HORMAD1: variants seen among roughly 807,000 people sequenced by gnomAD.
HORMAD1 encodes the protein HORMA domain containing 1, also known as HORMA domain-containing protein 1.
Under a neutral mutation model 58.2 loss-of-function variants are expected in HORMAD1, and 33 were observed. The ratio of observed to expected loss-of-function variants is 0.57; its 90% CI spans 0.43 to 0.76. HORMAD1 has a LOEUF of 0.76. Among genes scored for constraint, HORMAD1 ranks in the 30% least tolerant of loss-of-function variants. HORMAD1 has a pLI of 0.00. For missense variants in HORMAD1, 363 were observed against 462.0 expected, an observed-to-expected ratio of 0.79 and a Z score of 1.96; for synonymous variants, 137 against 144.6, an observed-to-expected ratio of 0.95 and a Z score of 0.38.
chr1:150,708,764 C>G, intron 8 of HORMAD1, 130 bp downstream of exon 8: 1 of 577,688 alleles, frequency 1.7e-6, no homozygotes, highest in Non-Finnish European at 3.1e-6. Flanking sequence ...CTCCATTTTG[C>G]ATAGCCACAT....
At chr1:150,718,736 T>C (rs1652164868) in intron 2 of HORMAD1, among the ~76,000 whole-genome samples, 1 of 152,182 alleles carries the variant, frequency 6.6e-6, no homozygotes, top group African/African-American at 2.4e-5. Flanking sequence ...GCGATTCTCC[T>C]GCCTCAGCCA....
chr1:150,714,546 A>T, intron 4 of HORMAD1, 69 bp downstream of exon 4: 1 of 768,664 alleles, frequency 1.3e-6, no homozygotes, highest in Non-Finnish European at 2.0e-6. Flanking sequence ...CACCAAAGGT[A>T]TCCAAGGTAC....
At position 150,719,352 on chromosome 1, in the gene HORMAD1, G is replaced by GT. The variant is rs1019982775; in HGVS notation, c.33+120dup. On this transcript the variant is annotated intron_variant, in intron 2 of 14. Coordinates refer to ENST00000361824, the MANE Select transcript of HORMAD1 (RefSeq NM_032132.5). ...ATATCTTCATTTCTTAAAACATGCAGTTTCCTGGTATCATAAAACCCTCAA... is the reference window on the plus strand; with the variant it reads ...ATATCTTCATTTCTTAAAACATGCAGTTTTCCTGGTATCATAAAACCCTCAA... 5.6e-5 allele frequency: 37 copies of GT among 659,908 alleles called. No homozygotes were observed. In the African/African-American group the frequency reaches 6.5e-4, roughly 12 times the overall value. The allele number at this position is 659,908 out of a possible 1,614,324, so 40.9% of individuals were successfully genotyped here. A position where few individuals can be genotyped will look rare whatever the true frequency, so the allele number is the denominator to read the frequency against.
intron 3 of HORMAD1, among the ~76,000 whole-genome samples, chr1:150,715,226 A>G (rs6587519): frequency 0.99 from 150,251 of 152,304 alleles, 74,147 homozygotes; most frequent in East Asian, 1. Flanking sequence ...AAAATATTTC[A>G]TAAAAAACTT....
chr1:150,700,203 T>C lies in HORMAD1; in HGVS notation c.1033-20A>G. The C allele has an allele frequency of 7.4e-7, 1 of 1,346,994 alleles. No individual in the cohort carries two copies. Among genetic ancestry groups the C allele is most frequent in the Non-Finnish European group, 1.1e-6 (1 of 937,692 alleles). The allele number at this position is 1,346,994 out of a possible 1,614,324, so 83.4% of individuals were successfully genotyped here. A position where few individuals can be genotyped will look rare whatever the true frequency, so the allele number is the denominator to read the frequency against. ...ATTTGCCTCCACAAAGATAGAATAA[T>C]TACTAATTGGTTATTTCTCAAAGAA... is the stretch of plus-strand genomic sequence containing the variant. On this transcript the variant is annotated intron_variant, in intron 13 of 14. Transcript: ENST00000361824.
chr1:150,711,943 C>T, intron 5 of HORMAD1, 90 bp from the exon 6 acceptor site: 1 of 854,782 alleles, frequency 1.2e-6, no homozygotes, highest in South Asian at 1.5e-5. Flanking sequence ...CCTATTTCAA[C>T]ATGTATTCCT....
Position 150,714,947 on chromosome 1 carries a change from C to T in HORMAD1, c.179-269G>A, listed in dbSNP as rs1170667398. Among the ~76,000 whole-genome samples the T allele has an allele frequency of 4.6e-5, 7 of 151,970 alleles. No individual in the cohort carries two copies. In the East Asian group the frequency reaches 1.2e-3, roughly 25 times the overall value. On this transcript the variant is annotated intron_variant, in intron 3 of 14. Coordinates refer to ENST00000361824, the MANE Select transcript of HORMAD1 (RefSeq NM_032132.5). ...ACTTCAGGTGCGCCACCATGACCGGCTAATTTTTGTATTTTTTGGTAGAGA... is the reference window on the plus strand; with the variant it reads ...ACTTCAGGTGCGCCACCATGACCGGTTAATTTTTGTATTTTTTGGTAGAGA...
intron 7 of HORMAD1, among the ~76,000 whole-genome samples, chr1:150,710,463 A>G (rs1340905827): frequency 2.6e-5 from 4 of 152,268 alleles, no homozygotes; most frequent in Non-Finnish European, 5.9e-5. Context: ...AAAGTACCTG[A>G]CATATAGTAA....
At chr1:150,708,685 C>A (rs1399123184) in intron 8 of HORMAD1, among the ~76,000 whole-genome samples, 4 of 152,134 alleles carry the variant, frequency 2.6e-5, no homozygotes, top group Non-Finnish European at 5.9e-5. Flanking sequence ...CACCTAAGTT[C>A]TCTTTCCACA....
At chr1:150,711,482 T>C (rs973535377) in intron 7 of HORMAD1, 63 bp downstream of exon 7, 32 of 1,042,412 alleles carry the variant, frequency 3.1e-5, no homozygotes, top group Non-Finnish European at 4.6e-5. Flanking sequence ...TCTTATATTA[T>C]GTTTCGTGTT....
chr1:150,712,890 A>G (rs1651944990), intron 5 of HORMAD1, among the ~76,000 whole-genome samples: 1 of 152,188 alleles, frequency 6.6e-6, no homozygotes, highest in Non-Finnish European at 1.5e-5. Context: ...ATTTCTATGT[A>G]TAAGCTTTGA....
At chr1:150,715,238 T>G (rs980301128) in intron 3 of HORMAD1, among the ~76,000 whole-genome samples, 1 of 152,144 alleles carries the variant, frequency 6.6e-6, no homozygotes, top group African/African-American at 2.4e-5. Context: ...AAAAAACTTA[T>G]AGAATCCATG....
At position 150,704,212 on chromosome 1, in the gene HORMAD1, A is replaced by G; in HGVS notation, c.872-18T>C. 1 of 1,575,478 alleles carries G rather than the reference A, an allele frequency of 6.3e-7. No individual in the cohort carries two copies. The highest frequency in any genetic ancestry group is 8.6e-7 in the Non-Finnish European group (1 of 1,161,586). On this transcript the variant is annotated intron_variant, in intron 11 of 14. Transcript: ENST00000361824. ...ACTTGGTTCTGTAAAAAAAAAAAAA[A>G]AAAGTTACCCGGGTATAAAATTGAG...
intron 2 of HORMAD1, among the ~76,000 whole-genome samples, chr1:150,718,551 GTA>G (rs978565788): frequency 6.6e-6 from 1 of 151,994 alleles, no homozygotes; most frequent in African/African-American, 2.4e-5. Flanking sequence ...CACTGAGTAG[GTA>G]TAACAGAGGT....
At chr1:150,710,169 C>T (rs587759747) in intron 7 of HORMAD1, among the ~76,000 whole-genome samples, 3 of 152,204 alleles carry the variant, frequency 2.0e-5, no homozygotes, top group South Asian at 2.1e-4. Flanking sequence ...TCGTCCCACC[C>T]GACTAGAAAT....
chr1:150,707,257 C>T (rs1436654613), intron 9 of HORMAD1, among the ~76,000 whole-genome samples: 1 of 152,118 alleles, frequency 6.6e-6, no homozygotes, highest in African/African-American at 2.4e-5. Context: ...TTAGGAAATA[C>T]ATATAAAATT....
chr1:150,716,573 A>G (rs982787881), intron 3 of HORMAD1, among the ~76,000 whole-genome samples: 1 of 152,108 alleles, frequency 6.6e-6, no homozygotes. Flanking sequence ...GGGGAAGTGC[A>G]CAGTGCCTTA....
intron 14 of HORMAD1, chr1:150,698,973 A>T (rs111487999): frequency 9.2e-6 from 3 of 324,642 alleles, no homozygotes; most frequent in African/African-American, 2.2e-5. Context: ...CTGCTCTAGA[A>T]GTGAGAAGAT....
chr1:150,704,369 T>A, intron 10 of HORMAD1, 26 bp from the exon 11 acceptor site: 1 of 1,434,170 alleles, frequency 7.0e-7, no homozygotes, highest in African/African-American at 1.4e-5. Context: ...AAGAAAAAAA[T>A]TGACACATTT....
Sources: gnomAD v4.1 joint callset for allele counts (sites outside exome capture counted in the v4.1 genomes callset) on GRCh38, gnomAD v4.1.1 for gene constraint, MANE v1.5 for transcripts, NCBI Gene and HGNC (gene_info 2026-07-23, HGNC 2026-07-21) for gene names.